NEK3: variants seen among roughly 807,000 people sequenced by gnomAD.
The protein encoded by NEK3 is NIMA related kinase 3, also known as serine/threonine-protein kinase Nek3.
A neutral mutation model predicts 66.0 loss-of-function variants in NEK3; 54 were observed. The observed-to-expected ratio is 0.82, with a 90% confidence interval of 0.66 to 1.03. The LOEUF is 1.03. NEK3 is among the 50% of genes least tolerant of loss of function. NEK3 has a pLI of 0.00. For synonymous variants in NEK3, 200 were observed against 206.2 expected, an observed-to-expected ratio of 0.97 and a Z score of 0.26; for missense variants, 593 against 603.0, an observed-to-expected ratio of 0.98 and a Z score of 0.17.
intron 4 of NEK3, 118 bp downstream of exon 4, chr13:52,153,777 T>C (rs545461619): frequency 5.7e-6 from 4 of 696,174 alleles, no homozygotes; most frequent in Non-Finnish European, 9.7e-6. Flanking sequence ...AAATCAGTCA[T>C]TTCTATCTAC....
intron 13 of NEK3, 51 bp downstream of exon 13, chr13:52,136,065 T>A: frequency 6.2e-7 from 1 of 1,602,884 alleles, no homozygotes; most frequent in Non-Finnish European, 8.5e-7. Flanking sequence ...ACTAAGTAAC[T>A]ATTAGAAAAA....
chr13:52,135,178 A>C (rs1040379166), intron 14 of NEK3, among the ~76,000 whole-genome samples: 1 of 152,172 alleles, frequency 6.6e-6, no homozygotes, highest in Non-Finnish European at 1.5e-5. Context: ...AAATTATTTT[A>C]TACAATGTTA....
intron 11 of NEK3, among the ~76,000 whole-genome samples, chr13:52,140,214 C>G (rs1488393640): frequency 2.6e-5 from 2 of 76,810 alleles, no homozygotes; most frequent in South Asian, 9.6e-4. Flanking sequence ...GACCCTATCT[C>G]AAAAAAAAAA....
chr13:52,134,264 ATCC>A (rs937628736), intron 14 of NEK3, among the ~76,000 whole-genome samples: 1 of 152,002 alleles, frequency 6.6e-6, no homozygotes, highest in Non-Finnish European at 1.5e-5. Flanking sequence ...AGCTCAAGCA[ATCC>A]TCCTGCTTCA....
At chr13:52,133,327 G>C in intron 15 of NEK3, 101 bp from the exon 16 acceptor site, 2 of 989,738 alleles carry the variant, frequency 2.0e-6, no homozygotes, top group Non-Finnish European at 3.0e-6. Flanking sequence ...TTAAGCTTTT[G>C]AAAATTGAGT....
chr13:52,137,684 G>C (rs577136499), intron 11 of NEK3, among the ~76,000 whole-genome samples: 2 of 152,284 alleles, frequency 1.3e-5, no homozygotes, highest in African/African-American at 2.4e-5. Flanking sequence ...AGGAGTAGTG[G>C]TGAGGGGCAG....
intron 1 of NEK3, chr13:52,157,539 CA>C (rs1407600033): frequency 6.6e-6 from 1 of 152,200 alleles, no homozygotes; most frequent in Non-Finnish European, 1.5e-5. Context: ...GGGAGTGTTG[CA>C]GGGGTTGGGC....
intron 4 of NEK3, among the ~76,000 whole-genome samples, chr13:52,153,617 T>C (rs527624331): frequency 9.9e-5 from 15 of 152,240 alleles, no homozygotes; most frequent in Middle Eastern, 3.4e-3. Context: ...AGATTTTAAA[T>C]ATCTAGTACA....
chr13:52,152,503 A>C (rs1444395106), intron 5 of NEK3, 106 bp downstream of exon 5: 8 of 601,626 alleles, frequency 1.3e-5, no homozygotes, highest in Non-Finnish European at 2.2e-5. Flanking sequence ...AGGCTGACAA[A>C]TATTTCTAAA....
chr13:52,142,528 G>A (rs1017537782), intron 10 of NEK3, among the ~76,000 whole-genome samples: 2 of 152,082 alleles, frequency 1.3e-5, no homozygotes, highest in Non-Finnish European at 2.9e-5. Flanking sequence ...TACCCGCCTC[G>A]GCTTCCCTAA....
At position 52,133,049 on chromosome 13, in the gene NEK3, G is replaced by T; in HGVS notation, c.*93C>A. 9.9e-7 allele frequency: 1 copy of T among 1,005,734 alleles called. No homozygotes were observed. The highest frequency in any genetic ancestry group is 1.4e-5 in the South Asian group (1 of 70,748). 62.3% of individuals were successfully genotyped at this position (1,005,734 alleles called of 1,614,324 possible). ...CCTCTGCTTCATTCTGTTTCCAAAG[G>T]AAAATATACGTCGCATGAACTCATG... On this transcript the variant is annotated 3_prime_UTR_variant, in exon 16 of 16. Coordinates refer to ENST00000610828, the MANE Select transcript of NEK3 (RefSeq NM_002498.3).
intron 1 of NEK3, among the ~76,000 whole-genome samples, chr13:52,158,389 C>G (rs1214800476): frequency 6.6e-6 from 1 of 152,172 alleles, no homozygotes; most frequent in East Asian, 1.9e-4. Context: ...CAATGTTTTT[C>G]CAAGATCGAT....
At chr13:52,135,999 A>G (rs1170827286) in intron 13 of NEK3, 117 bp downstream of exon 13, 20 of 1,490,822 alleles carry the variant, frequency 1.3e-5, no homozygotes, top group Non-Finnish European at 1.6e-5. Flanking sequence ...TGTATGAGCA[A>G]TGCTCTGATG....
At position 52,152,664 on chromosome 13, in the gene NEK3, A is replaced by C. The variant is rs1956357768; in HGVS notation, c.338T>G (p.Leu113Arg). ...MILNWFTQMC[L>R]GVNHIHKKRV... Reference sequence around the variant, plus strand: ...TTTCTTGTGAATGTGATTTACTCCAAGGCACATTTGGGTAAACCAATTAAG... The same window carrying C: ...TTTCTTGTGAATGTGATTTACTCCACGGCACATTTGGGTAAACCAATTAAG... Residue 113 changes from leucine (L) to arginine (R), a missense_variant, in exon 5 of 16, where the codon CTT (leucine) becomes CGT (arginine). Leu to Arg is a moderately radical substitution (Grantham distance 102). Transcript: ENST00000610828. The C allele has an allele frequency of 6.2e-7, 1 of 1,611,724 alleles. No homozygotes were observed. The highest frequency in any genetic ancestry group is 8.5e-7 in the Non-Finnish European group (1 of 1,178,910).
At chr13:52,151,018 G>A in intron 7 of NEK3, 128 bp downstream of exon 7, 2 of 696,106 alleles carry the variant, frequency 2.9e-6, no homozygotes, top group Non-Finnish European at 2.5e-6. Flanking sequence ...TCTGCTTTCA[G>A]ATATATTTCT....
intron 10 of NEK3, among the ~76,000 whole-genome samples, chr13:52,143,328 ACAAG>A (rs1956266789): frequency 6.6e-6 from 1 of 151,348 alleles, no homozygotes; most frequent in Non-Finnish European, 1.5e-5. Context: ...AAAAAAAAAA[ACAAG>A]CAGTTTTAGG....
chr13:52,156,019 C>A (rs2138215215), intron 2 of NEK3, 56 bp downstream of exon 2: 7 of 1,215,270 alleles, frequency 5.8e-6, no homozygotes, highest in Admixed American at 2.2e-5. Context: ...AAAACTTATT[C>A]TTTTATATAA....
At chr13:52,145,025 T>A in intron 8 of NEK3, 134 bp from the exon 9 acceptor site, 1 of 633,088 alleles carries the variant, frequency 1.6e-6, no homozygotes, top group Non-Finnish European at 2.7e-6. Context: ...GAGGTGTCCT[T>A]AAGATACCAT....
In NEK3 at chr13:52,158,258, C is replaced by T. The variant is rs535587016; in HGVS notation, c.-58+1285G>A. Among the ~76,000 whole-genome samples the T allele has an allele frequency of 4.3e-4, 66 of 152,282 alleles. 1 individual carries two copies. The highest frequency in any genetic ancestry group is 6.8e-3 in the Middle Eastern group (2 of 294). On this transcript the variant is annotated intron_variant, in intron 1 of 15. Transcript: ENST00000610828. Reference sequence around the variant, plus strand: ...AGGCAAAGCAAAAATCAAACTAAAACCTCTACTATAGTGACCTGTAAAAAT... The same window carrying T: ...AGGCAAAGCAAAAATCAAACTAAAATCTCTACTATAGTGACCTGTAAAAAT...
Sources: allele counts gnomAD v4.1 joint callset (sites outside exome capture counted in the v4.1 genomes callset), GRCh38; gene constraint gnomAD v4.1.1; transcripts MANE v1.5; gene names NCBI Gene and HGNC (gene_info 2026-07-23, HGNC 2026-07-21).